Variants in PCDH19 observed in about 807,000 individuals in gnomAD.
PCDH19 encodes the protein protocadherin 19, also known as protocadherin-19.
PCDH19 carries 6 observed loss-of-function variants against 46.2 expected under a neutral mutation model. The ratio of observed to expected loss-of-function variants is 0.13; its 90% CI spans 0.07 to 0.26. The LOEUF is 0.26. Among genes scored for constraint, PCDH19 ranks in the 10% least tolerant of loss-of-function variants. The pLI is 1.00. For synonymous variants in PCDH19, 481 were observed against 415.7 expected, an observed-to-expected ratio of 1.16 and a Z score of -1.91; for missense variants, 740 against 972.3, an observed-to-expected ratio of 0.76 and a Z score of 3.18.
intron 4 of PCDH19, among the ~76,000 whole-genome samples, chrX:100,344,637 C>A (rs1450733801): frequency 9.7e-6 from 1 of 102,974 alleles, no homozygotes; most frequent in African/African-American, 3.6e-5. Flanking sequence ...CACTTTAAGC[C>A]AGAGAATTCA....
At chrX:100,398,660 A>T (rs776122132) in intron 3 of PCDH19, among the ~76,000 whole-genome samples, 12 of 112,084 alleles carry the variant, frequency 1.1e-4, no homozygotes, top group Non-Finnish European at 1.9e-4. Context: ...TACGTCTTAA[A>T]CTTATTTGGA....
intron 3 of PCDH19, among the ~76,000 whole-genome samples, chrX:100,395,108 C>T (rs1748387121): frequency 9.1e-6 from 1 of 110,296 alleles, no homozygotes; most frequent in Non-Finnish European, 1.9e-5. Context: ...GGGATGGTCT[C>T]GATCTCCTGA....
At chrX:100,333,710 T>A (rs756083826) in intron 5 of PCDH19, among the ~76,000 whole-genome samples, 4 of 111,825 alleles carry the variant, frequency 3.6e-5, no homozygotes, top group Non-Finnish European at 5.6e-5. Context: ...TATTTTTTGA[T>A]GAGTAATGAA....
intron 5 of PCDH19, among the ~76,000 whole-genome samples, chrX:100,332,786 A>C (rs1925914489): frequency 9.1e-6 from 1 of 110,071 alleles, no homozygotes; most frequent in Non-Finnish European, 1.9e-5. Context: ...CCAAAGCAGG[A>C]GGACTGCTGC....
At chrX:100,333,179 G>GAA (rs1365066738) in intron 5 of PCDH19, among the ~76,000 whole-genome samples, 52 of 46,914 alleles carry the variant, frequency 1.1e-3, no homozygotes, top group East Asian at 5.0e-3. Context: ...GGAAGGGAGA[G>GAA]AGAGAGAAAG....
chrX:100,405,562 T>TC (rs376813599), intron 1 of PCDH19, among the ~76,000 whole-genome samples: 2,015 of 58,084 alleles, frequency 0.035, 52 homozygotes, highest in African/African-American at 0.083. Context: ...TCTCTCTCCC[T>TC]CCCCCCCCCA....
At chrX:100,317,474 G>A (rs1925344315) in intron 5 of PCDH19, among the ~76,000 whole-genome samples, 1 of 111,111 alleles carries the variant, frequency 9.0e-6, no homozygotes, top group African/African-American at 3.3e-5. Context: ...CAGCCCACAG[G>A]TGTGAAGCAT....
chrX:100,303,625 A>T (rs767203439), intron 5 of PCDH19, among the ~76,000 whole-genome samples: 12 of 112,007 alleles, frequency 1.1e-4, no homozygotes, highest in Non-Finnish European at 1.9e-4. Flanking sequence ...ATATCTGTAG[A>T]CACTCATGAA....
At chrX:100,401,501 A>G (rs1928177833) in intron 3 of PCDH19, among the ~76,000 whole-genome samples, 1 of 110,834 alleles carries the variant, frequency 9.0e-6, no homozygotes, top group African/African-American at 3.3e-5. Flanking sequence ...AAAAATACAA[A>G]ATTAGCTGGG....
intron 3 of PCDH19, among the ~76,000 whole-genome samples, chrX:100,382,617 C>T (rs1375967945): frequency 1.8e-5 from 2 of 112,082 alleles, no homozygotes; most frequent in Non-Finnish European, 3.8e-5. Flanking sequence ...GTCACAACCC[C>T]AAGCCAGTGG....
rs150375994 is a variant in PCDH19 at position 100,302,186 on chromosome X, C to T, written c.2849-5311G>A. Among the ~76,000 whole-genome samples the T allele has an allele frequency of 9.7e-4, 108 of 111,910 alleles. 2 individuals carry two copies. The East Asian group carries it at 0.029, about 30-fold the overall frequency. On this transcript the variant is annotated intron_variant, in intron 5 of 5. Transcript: ENST00000373034. Reference sequence around the variant, plus strand: ...TAAGGACCTTGGGTTATTAAAGATACTGTAGAGCTACCCTCACCAAACTTG... The same window carrying T: ...TAAGGACCTTGGGTTATTAAAGATATTGTAGAGCTACCCTCACCAAACTTG...
intron 3 of PCDH19, among the ~76,000 whole-genome samples, chrX:100,362,332 G>A (rs955181698): frequency 1.2e-4 from 13 of 111,342 alleles, no homozygotes; most frequent in African/African-American, 2.6e-4. Flanking sequence ...CACTTTTATC[G>A]GGGCTAAACC....
chrX:100,376,173 T>G (rs935447699), intron 3 of PCDH19, among the ~76,000 whole-genome samples: 2 of 99,793 alleles, frequency 2.0e-5, no homozygotes, highest in Admixed American at 1.2e-4. Context: ...AGGTGGAGGT[T>G]GCAGTGAGCC....
Position 100,311,581 on chromosome X carries a change from A to G in PCDH19, c.2849-14706T>C, listed in dbSNP as rs1260929679. 2.7e-5 allele frequency among the ~76,000 whole-genome samples: 3 copies of G among 111,245 alleles called. No individual in the cohort carries two copies. The Admixed American group carries it at 2.9e-4, about 11-fold the overall frequency. On this transcript the variant is annotated intron_variant, in intron 5 of 5. Transcript: ENST00000373034. ...GGTTCTTGACTACCAATATGTTCCT[A>G]GGACTGGGTGGGGAAGCTAAGAAAC...
intron 4 of PCDH19, 121 bp from the exon 5 acceptor site, chrX:100,342,196 T>A (rs1043061182): frequency 1.6e-6 from 1 of 609,132 alleles, no homozygotes; most frequent in African/African-American, 2.2e-5. Flanking sequence ...TCCAATAGGG[T>A]AGGAATAAGG....
At chrX:100,400,607 A>AT (rs1455144722) in intron 3 of PCDH19, among the ~76,000 whole-genome samples, 1 of 112,565 alleles carries the variant, frequency 8.9e-6, no homozygotes, top group Admixed American at 9.4e-5. Context: ...GACATTAATA[A>AT]TTATAACTGA....
chrX:100,391,507 T>G (rs1927861810), intron 3 of PCDH19, among the ~76,000 whole-genome samples: 1 of 112,202 alleles, frequency 8.9e-6, no homozygotes, highest in Admixed American at 9.4e-5. Flanking sequence ...CTGCCATAGC[T>G]AAGTCCTCTG....
chrX:100,321,930 C>T (rs1925501843), intron 5 of PCDH19, among the ~76,000 whole-genome samples: 1 of 107,549 alleles, frequency 9.3e-6, no homozygotes, highest in Admixed American at 1.0e-4. Flanking sequence ...GCTGGGACTA[C>T]AGGCGCCCGC....
chrX:100,407,334 T>C lies in PCDH19; in HGVS notation c.1264A>G (p.Thr422Ala). ...DREQHDQYNLTIQARDGGVPM... is the reference protein window; with the variant it reads ...DREQHDQYNLAIQARDGGVPM... The stretch of plus-strand genomic sequence containing the variant: ...ACGCCGCCGTCGCGTGCCTGAATTG[T>C]GAGGTTGTATTGGTCGTGCTGCTCG... Residue 422 changes from threonine to alanine, a missense_variant, in exon 1 of 6, where the codon ACA becomes GCA. Around this residue, in one of 5 missense-constraint regions of PCDH19, gnomAD observed 186 missense variants for 319.9 expected, o/e 0.58. Transcript: ENST00000373034. 1 of 1,212,275 alleles carries C rather than the reference T, an allele frequency of 8.2e-7. No homozygotes were observed. Among genetic ancestry groups the C allele is most frequent in the Non-Finnish European group, 1.1e-6 (1 of 895,541 alleles).
Sources: gnomAD v4.1 joint callset for allele counts (sites outside exome capture counted in the v4.1 genomes callset) on GRCh38, gnomAD v4.1.1 for gene constraint, gnomAD v4.1.1 regional missense constraint, MANE v1.5 for transcripts, NCBI Gene and HGNC (gene_info 2026-07-23, HGNC 2026-07-21) for gene names.